CTNNA3: variants seen among roughly 807,000 people sequenced by gnomAD.
CTNNA3 encodes catenin alpha 3.
A neutral mutation model predicts 95.7 loss-of-function variants in CTNNA3; 76 were observed. That is an observed-to-expected ratio of 0.79 (90% CI 0.66 to 0.96). CTNNA3 has a LOEUF of 0.96. Ranked by LOEUF, CTNNA3 falls within the 40% of genes least tolerant of loss-of-function variation. The pLI is 0.00. For missense variants in CTNNA3, 1,191 were observed against 1,089.8 expected, an observed-to-expected ratio of 1.09 and a Z score of -1.31; for synonymous variants, 431 against 374.4, an observed-to-expected ratio of 1.15 and a Z score of -1.74.
In CTNNA3 at chr10:66,901,756, C is replaced by G. The variant is rs144754669; in HGVS notation, c.1048-126232G>C. Among the ~76,000 whole-genome samples, 549 of 152,142 alleles carry G rather than the reference C, an allele frequency of 3.6e-3. 2 individuals are homozygous for G. The highest frequency in any genetic ancestry group is 0.012 in the African/African-American group (513 of 41,456). On this transcript the variant is annotated intron_variant, in intron 7 of 17. Transcript: ENST00000433211. ...GTCTCTGATAAAACAGACTTTAAAC[C>G]AACAAAGATCAAAAGAGACAAAGAA...
chr10:67,404,657 T>C (rs1314786640), intron 5 of CTNNA3, among the ~76,000 whole-genome samples: 1 of 151,726 alleles, frequency 6.6e-6, no homozygotes, highest in East Asian at 1.9e-4. Flanking sequence ...CAGGAGAACT[T>C]CCCTGACCTA....
chr10:66,097,369 T>G (rs534659993), intron 14 of CTNNA3, among the ~76,000 whole-genome samples: 1 of 152,306 alleles, frequency 6.6e-6, no homozygotes, highest in East Asian at 1.9e-4. Context: ...AGATTCATTT[T>G]ATAAAAATCA....
At chr10:66,445,944 A>G (rs1379438180) in intron 11 of CTNNA3, among the ~76,000 whole-genome samples, 1 of 152,184 alleles carries the variant, frequency 6.6e-6, no homozygotes, top group Non-Finnish European at 1.5e-5. Context: ...AAGAAGGAAG[A>G]AAAGAGAGAA....
intron 5 of CTNNA3, among the ~76,000 whole-genome samples, chr10:67,238,669 T>C (rs2132325421): frequency 6.6e-6 from 1 of 152,292 alleles, no homozygotes; most frequent in East Asian, 1.9e-4. Context: ...GGAAAACGCA[T>C]GATAAAAACA....
intron 5 of CTNNA3, among the ~76,000 whole-genome samples, chr10:67,394,534 TACA>T (rs1278156237): frequency 1.3e-5 from 2 of 152,078 alleles, no homozygotes; most frequent in Admixed American, 6.6e-5. Context: ...TCCAAAATCT[TACA>T]ACATTTCTGC....
intron 11 of CTNNA3, among the ~76,000 whole-genome samples, chr10:66,415,248 C>A (rs890554992): frequency 1.3e-5 from 2 of 152,036 alleles, no homozygotes; most frequent in Non-Finnish European, 2.9e-5. Context: ...AGTCCAGGGG[C>A]CAGGGAATCT....
intron 11 of CTNNA3, among the ~76,000 whole-genome samples, chr10:66,475,544 T>C (rs1439598696): frequency 6.6e-6 from 1 of 152,006 alleles, no homozygotes; most frequent in Non-Finnish European, 1.5e-5. Context: ...CATTAAAAAG[T>C]GAGCAAAGGA....
chr10:67,202,615 T>C (rs1306885324), intron 6 of CTNNA3, among the ~76,000 whole-genome samples: 1 of 152,198 alleles, frequency 6.6e-6, no homozygotes, highest in Non-Finnish European at 1.5e-5. Context: ...GAATTAATAA[T>C]TCTCATAGGC....
intron 3 of CTNNA3, among the ~76,000 whole-genome samples, chr10:67,564,698 T>TAA (rs1408110735): frequency 7.5e-5 from 6 of 80,346 alleles, no homozygotes; most frequent in Non-Finnish European, 1.2e-4. Context: ...TATATATATA[T>TAA]ATATATATAT....
At chr10:66,247,234 C>A (rs1259882965) in intron 13 of CTNNA3, among the ~76,000 whole-genome samples, 1 of 152,014 alleles carries the variant, frequency 6.6e-6, no homozygotes, top group Non-Finnish European at 1.5e-5. Flanking sequence ...ATGGAAGGAA[C>A]TTTGTCTTGT....
At chr10:66,904,838 T>C in intron 7 of CTNNA3, among the ~76,000 whole-genome samples, 1 of 152,066 alleles carries the variant, frequency 6.6e-6, no homozygotes, top group Non-Finnish European at 1.5e-5. Flanking sequence ...CTCATGCCAA[T>C]TAGAATGGTG....
At chr10:66,317,682 A>G (rs572267497) in intron 12 of CTNNA3, among the ~76,000 whole-genome samples, 3 of 119,122 alleles carry the variant, frequency 2.5e-5, no homozygotes, top group African/African-American at 8.4e-5. Context: ...CAAAAAATTA[A>G]AAAAAATTTA....
At chr10:66,494,193 C>T (rs1840027771) in intron 11 of CTNNA3, among the ~76,000 whole-genome samples, 1 of 152,170 alleles carries the variant, frequency 6.6e-6, no homozygotes. Flanking sequence ...CAGGCGTGAG[C>T]CACTGCGCTG....
intron 7 of CTNNA3, among the ~76,000 whole-genome samples, chr10:67,179,790 G>A (rs886570268): frequency 6.6e-6 from 1 of 152,076 alleles, no homozygotes; most frequent in African/African-American, 2.4e-5. Context: ...TTGCCCAACT[G>A]CACTTGAGCC....
rs77860218 is a variant in CTNNA3, at chr10:67,517,718, T to C, written c.579+4124A>G. On this transcript the variant is annotated intron_variant, in intron 5 of 17. Transcript: ENST00000433211. ...TACTTTAACTGCCCATCAAGAGATA[T>C]CACCTTAGAAACATATTAGAACAAA... Among the ~76,000 whole-genome samples the C allele has an allele frequency of 3.4e-4, 52 of 152,242 alleles. 2 individuals are homozygous for C. The East Asian group carries it at 0.01, about 29-fold the overall frequency.
chr10:67,018,084 T>C (rs906057978), intron 7 of CTNNA3, among the ~76,000 whole-genome samples: 7 of 152,148 alleles, frequency 4.6e-5, no homozygotes, highest in African/African-American at 1.7e-4. Flanking sequence ...TGGATATATA[T>C]TAAACATATA....
At chr10:67,604,985 T>C (rs957410130) in intron 3 of CTNNA3, among the ~76,000 whole-genome samples, 1 of 152,162 alleles carries the variant, frequency 6.6e-6, no homozygotes, top group Non-Finnish European at 1.5e-5. Flanking sequence ...TGGAGGTTCC[T>C]AAAGAAATTA....
At chr10:67,072,711 A>T (rs1195668609) in intron 7 of CTNNA3, among the ~76,000 whole-genome samples, 1 of 152,176 alleles carries the variant, frequency 6.6e-6, no homozygotes, top group Non-Finnish European at 1.5e-5. Context: ...GCCCTGAAAA[A>T]GTTCTCTTTC....
chr10:66,646,636 T>C (rs1845717532), intron 9 of CTNNA3, among the ~76,000 whole-genome samples: 1 of 152,116 alleles, frequency 6.6e-6, no homozygotes, highest in East Asian at 1.9e-4. Flanking sequence ...TTGAGAAAAG[T>C]GATGAGGCTT....
Sources: gnomAD v4.1 joint callset for allele counts (sites outside exome capture counted in the v4.1 genomes callset) on GRCh38, gnomAD v4.1.1 for gene constraint, MANE v1.5 for transcripts, NCBI Gene and HGNC (gene_info 2026-07-23, HGNC 2026-07-21) for gene names.